Variants in WLS observed in about 807,000 individuals in gnomAD.
WLS encodes Wnt ligand secretion mediator, also known as protein wntless homolog.
WLS carries 23 observed loss-of-function variants against 62.8 expected under a neutral mutation model. The observed-to-expected ratio is 0.37, with a 90% confidence interval of 0.26 to 0.52. WLS has a LOEUF of 0.52. WLS is among the 20% of genes least tolerant of loss of function. The pLI, the probability that WLS is intolerant of heterozygous loss-of-function variation, is 0.92. For missense variants in WLS, 615 were observed against 697.3 expected, an observed-to-expected ratio of 0.88 and a Z score of 1.33; for synonymous variants, 246 against 244.1, an observed-to-expected ratio of 1.01 and a Z score of -0.07.
At chr1:68,194,715 A>G (rs2033344) in intron 1 of WLS, among the ~76,000 whole-genome samples, 31,522 of 152,150 alleles carry the variant, frequency 0.21, 3,466 homozygotes, top group Middle Eastern at 0.28. Context: ...GAAACGGAAG[A>G]GTTTCTAAGA....
At chr1:68,206,970 TAGA>T (rs900324034) in intron 1 of WLS, among the ~76,000 whole-genome samples, 4 of 152,294 alleles carry the variant, frequency 2.6e-5, no homozygotes, top group Non-Finnish European at 5.9e-5. Flanking sequence ...TCACATCTGT[TAGA>T]AGAACAGATC....
At chr1:68,131,254 G>T (rs1646519728) in intron 11 of WLS, among the ~76,000 whole-genome samples, 1 of 151,516 alleles carries the variant, frequency 6.6e-6, no homozygotes, top group Admixed American at 6.6e-5. Context: ...GACAGTATGT[G>T]GTATATAGTA....
chr1:68,099,176 G>A (rs992405095), intron 11 of WLS, among the ~76,000 whole-genome samples: 1 of 152,082 alleles, frequency 6.6e-6, no homozygotes, highest in Admixed American at 6.6e-5. Flanking sequence ...CCCAGCTTGT[G>A]TCATTGAATC....
In WLS at chr1:68,167,100, C is replaced by T. The variant is rs192891297; in HGVS notation, c.380-7853G>A. ...CCTTACCTGTTAGGATAAGACTTAA[C>T]GCCTAGAATTTCATGATTATTACAC... On this transcript the variant is annotated intron_variant, in intron 2 of 11. Coordinates refer to ENST00000262348, the MANE Select transcript of WLS (RefSeq NM_024911.7). 3.0e-4 allele frequency among the ~76,000 whole-genome samples: 46 copies of T among 152,250 alleles called. No individual in the cohort carries two copies. In the Middle Eastern group the frequency reaches 0.01, roughly 34 times the overall value.
rs79274889 is a variant in WLS at position 68,098,955 on chromosome 1, A to T, written c.1511-202T>A. On this transcript the variant is annotated intron_variant, in intron 11 of 11. Transcript: ENST00000354777. ...TCTCCCTTGCCCACTAAATCTCAATAGCACCTCCTCCCTCAATTATTGTGA... is the reference window on the plus strand; with the variant it reads ...TCTCCCTTGCCCACTAAATCTCAATTGCACCTCCTCCCTCAATTATTGTGA... The T allele has an allele frequency of 3.1e-3, 2,145 of 686,424 alleles. 38 individuals are homozygous for T. In the African/African-American group the frequency reaches 0.035, roughly 11 times the overall value. 42.5% of individuals were successfully genotyped at this position (686,424 alleles called of 1,614,324 possible). A position where few individuals can be genotyped will look rare whatever the true frequency, so the allele number is the denominator to read the frequency against.
At chr1:68,133,160 C>T (rs968927334) in intron 11 of WLS, among the ~76,000 whole-genome samples, 7 of 151,902 alleles carry the variant, frequency 4.6e-5, no homozygotes, top group Non-Finnish European at 8.8e-5. Flanking sequence ...TATATGTGCA[C>T]GTGTGTGTGT....
At chr1:68,187,997 T>G (rs1164013007) in intron 2 of WLS, among the ~76,000 whole-genome samples, 1 of 152,200 alleles carries the variant, frequency 6.6e-6, no homozygotes, top group African/African-American at 2.4e-5. Context: ...ATGCCAAGTT[T>G]TGAAATCAAA....
chr1:68,154,122 C>T (rs1176133880), intron 4 of WLS, among the ~76,000 whole-genome samples: 7 of 152,022 alleles, frequency 4.6e-5, no homozygotes, highest in Non-Finnish European at 5.9e-5. Context: ...CTACCACCCC[C>T]ACAGTGTACC....
At chr1:68,220,933 C>T (rs1410816795) in intron 1 of WLS, among the ~76,000 whole-genome samples, 1 of 152,118 alleles carries the variant, frequency 6.6e-6, no homozygotes, top group Admixed American at 6.5e-5. Flanking sequence ...AAATCCCAAA[C>T]ATACTGCTCA....
At chr1:68,150,382 G>C in intron 5 of WLS, 26 bp from the exon 6 acceptor site, 6 of 1,609,078 alleles carry the variant, frequency 3.7e-6, no homozygotes, top group Non-Finnish European at 5.1e-6. Context: ...TATCAGGACA[G>C]CCACTTTATT....
intron 2 of WLS, among the ~76,000 whole-genome samples, chr1:68,178,662 C>T (rs939195947): frequency 1.3e-5 from 2 of 148,718 alleles, no homozygotes; most frequent in Admixed American, 6.7e-5. Flanking sequence ...GCCAAGATCA[C>T]GCCACTGCAC....
chr1:68,142,267 C>A (rs1646696650), intron 10 of WLS, among the ~76,000 whole-genome samples: 1 of 152,226 alleles, frequency 6.6e-6, no homozygotes, highest in African/African-American at 2.4e-5. Context: ...CAAACTGGCA[C>A]AAGGACCTGT....
intron 1 of WLS, among the ~76,000 whole-genome samples, chr1:68,220,600 T>TA (rs1405840567): frequency 6.6e-6 from 1 of 152,190 alleles, no homozygotes; most frequent in Non-Finnish European, 1.5e-5. Flanking sequence ...TCAGTTATTA[T>TA]AGAAATCCAT....
At chr1:68,102,595 A>G (rs939566950) in intron 11 of WLS, 1 of 152,170 alleles carries the variant, frequency 6.6e-6, no homozygotes, top group African/African-American at 2.4e-5. Context: ...CTCAACAACC[A>G]ATAAAGGTCC....
chr1:68,209,739 C>A (rs1206543692), intron 1 of WLS, among the ~76,000 whole-genome samples: 1 of 151,448 alleles, frequency 6.6e-6, no homozygotes, highest in East Asian at 1.9e-4. Context: ...CAAGATTGCA[C>A]AATTGCGCTC....
At chr1:68,231,677 C>T (rs1436627617) in intron 1 of WLS, 3 of 455,032 alleles carry the variant, frequency 6.6e-6, no homozygotes, top group South Asian at 4.7e-5. Context: ...CAGCCCCTAG[C>T]AAAGACGACC....
chr1:68,146,362 A>G (rs1646752775), intron 8 of WLS, among the ~76,000 whole-genome samples: 1 of 152,194 alleles, frequency 6.6e-6, no homozygotes, highest in Non-Finnish European at 1.5e-5. Context: ...AAATTTGAGA[A>G]GCACTAATAA....
intron 2 of WLS, among the ~76,000 whole-genome samples, chr1:68,179,520 A>T (rs1162533508): frequency 1.3e-5 from 2 of 152,174 alleles, no homozygotes; most frequent in Non-Finnish European, 2.9e-5. Context: ...CGATGATCAG[A>T]TGAAATAAAC....
intron 1 of WLS, among the ~76,000 whole-genome samples, chr1:68,208,465 G>A (rs1483712022): frequency 2.0e-5 from 3 of 152,306 alleles, no homozygotes; most frequent in Middle Eastern, 6.8e-3. Flanking sequence ...GGCAGGGAGA[G>A]GGGGGCGGTT....
Sources: gnomAD v4.1 joint callset for allele counts (sites outside exome capture counted in the v4.1 genomes callset) on GRCh38, gnomAD v4.1.1 for gene constraint, MANE v1.5 for transcripts, NCBI Gene and HGNC (gene_info 2026-07-23, HGNC 2026-07-21) for gene names.